Variants in ARHGAP12 observed in about 807,000 individuals in gnomAD.
The protein encoded by ARHGAP12 is Rho GTPase activating protein 12.
A neutral mutation model predicts 108.6 loss-of-function variants in ARHGAP12; 64 were observed. The ratio of observed to expected loss-of-function variants is 0.59; its 90% CI spans 0.48 to 0.73. The LOEUF (loss-of-function observed/expected upper bound fraction) is 0.73, where lower values mean the gene tolerates loss of function less well. Among genes scored for constraint, ARHGAP12 ranks in the 30% least tolerant of loss-of-function variants. The pLI is 0.00. For missense variants in ARHGAP12, 940 were observed against 1,005.9 expected, an observed-to-expected ratio of 0.93 and a Z score of 0.89; for synonymous variants, 312 against 337.2, an observed-to-expected ratio of 0.93 and a Z score of 0.82.
chr10:31,919,171 G>A (rs1029990324), intron 1 of ARHGAP12, among the ~76,000 whole-genome samples: 11 of 152,194 alleles, frequency 7.2e-5, no homozygotes, highest in Admixed American at 7.2e-4. Flanking sequence ...ACCTAGAGTA[G>A]TCAAATTCAT....
intron 3 of ARHGAP12, among the ~76,000 whole-genome samples, chr10:31,884,094 TAA>T (rs59701767): frequency 0.013 from 1,528 of 114,430 alleles, 10 homozygotes; most frequent in African/African-American, 0.036. Flanking sequence ...TGTTTACACC[TAA>T]AAAAAAAAAA....
chr10:31,896,853 T>C (rs932202646), intron 3 of ARHGAP12, among the ~76,000 whole-genome samples: 7 of 152,142 alleles, frequency 4.6e-5, no homozygotes, highest in African/African-American at 1.7e-4. Flanking sequence ...CTAGGACCCA[T>C]TACAGAACCA....
At chr10:31,899,418 T>C (rs1417619049) in intron 3 of ARHGAP12, among the ~76,000 whole-genome samples, 1 of 152,140 alleles carries the variant, frequency 6.6e-6, no homozygotes, top group Non-Finnish European at 1.5e-5. Flanking sequence ...GCAAAAGACT[T>C]AGAACAGCCA....
chr10:31,926,336 GA>G (rs58907991), intron 1 of ARHGAP12, among the ~76,000 whole-genome samples: 63,682 of 135,198 alleles, frequency 0.47, 14,034 homozygotes, highest in Non-Finnish European at 0.54. Flanking sequence ...GCTAACTGAA[GA>G]AAAAAAAAAA....
At chr10:31,881,534 T>C (rs1296993424) in intron 3 of ARHGAP12, among the ~76,000 whole-genome samples, 2 of 152,246 alleles carry the variant, frequency 1.3e-5, no homozygotes, top group Non-Finnish European at 2.9e-5. Context: ...AAATTTCCTT[T>C]AGCAACAACA....
intron 15 of ARHGAP12, among the ~76,000 whole-genome samples, chr10:31,811,665 T>TTTTTATTTTA (rs71515537): frequency 0.5 from 74,838 of 149,946 alleles, 19,890 homozygotes; most frequent in East Asian, 0.82. Flanking sequence ...TTAAATACCT[T>TTTTTATTTTA]TTTTATTTTA....
intron 16 of ARHGAP12, among the ~76,000 whole-genome samples, chr10:31,810,193 GA>G (rs1279904834): frequency 6.6e-6 from 1 of 152,060 alleles, no homozygotes; most frequent in Non-Finnish European, 1.5e-5. Flanking sequence ...CTATTTTACA[GA>G]AAATGACATA....
Position 31,908,592 on chromosome 10 carries a change from T to C in ARHGAP12, c.264A>G (p.Pro88=). 3 of 1,614,230 alleles carry C rather than the reference T, an allele frequency of 1.9e-6. No individual in the cohort carries two copies. Among genetic ancestry groups the C allele is most frequent in the Non-Finnish European group, 2.5e-6 (3 of 1,180,030 alleles). Residue 88 remains proline (P), a synonymous_variant, in exon 3 of 20, where the codon CCA becomes CCG. Coordinates refer to ENST00000344936, the MANE Select transcript of ARHGAP12 (RefSeq NM_018287.7). ...MPPVKQVAGL[P]NNSTKIMQSL... ...TCTGCATTATTTTCGTGGAGTTATT[T>C]GGCAGACCAGCTACCTGCTTAACAG...
chr10:31,885,024 T>A (rs1271497865), intron 3 of ARHGAP12, among the ~76,000 whole-genome samples: 1 of 152,186 alleles, frequency 6.6e-6, no homozygotes, highest in Non-Finnish European at 1.5e-5. Context: ...GATACAGGTG[T>A]ACAATGTAAA....
chr10:31,863,988 T>C (rs1235414827), intron 3 of ARHGAP12, among the ~76,000 whole-genome samples: 1 of 152,148 alleles, frequency 6.6e-6, no homozygotes, highest in Non-Finnish European at 1.5e-5. Context: ...AAGGTTAACA[T>C]AATTTTGAAA....
At chr10:31,892,372 C>T (rs190186800) in intron 3 of ARHGAP12, among the ~76,000 whole-genome samples, 7 of 152,176 alleles carry the variant, frequency 4.6e-5, no homozygotes, top group East Asian at 3.9e-4. Flanking sequence ...ACCCAACTCA[C>T]GTGCAGAGAC....
intron 9 of ARHGAP12, among the ~76,000 whole-genome samples, chr10:31,832,007 C>T (rs879370380): frequency 6.6e-5 from 10 of 152,126 alleles, no homozygotes; most frequent in Admixed American, 2.6e-4. Context: ...TATAATTAAA[C>T]ACTTCTTTTT....
At chr10:31,850,012 C>T (rs1164567856) in intron 6 of ARHGAP12, among the ~76,000 whole-genome samples, 1 of 152,198 alleles carries the variant, frequency 6.6e-6, no homozygotes, top group South Asian at 2.1e-4. Context: ...GATATTAGGC[C>T]GTCCTGGGAC....
intron 3 of ARHGAP12, among the ~76,000 whole-genome samples, chr10:31,883,423 TATTGAAAAC>T (rs1202634420): frequency 1.3e-5 from 2 of 152,228 alleles, no homozygotes; most frequent in African/African-American, 2.4e-5. Flanking sequence ...CATCTTAAAG[TATTGAAAAC>T]AGTTCTCACT....
chr10:31,812,968 G>A, intron 14 of ARHGAP12, 145 bp from the exon 15 acceptor site: 2 of 478,546 alleles, frequency 4.2e-6, no homozygotes, highest in Non-Finnish European at 7.4e-6. Context: ...TGTGGTTTAA[G>A]GACAAGATGT....
At chr10:31,872,343 T>C (rs1837571228) in intron 3 of ARHGAP12, among the ~76,000 whole-genome samples, 1 of 152,128 alleles carries the variant, frequency 6.6e-6, no homozygotes, top group Non-Finnish European at 1.5e-5. Context: ...CTGAAAGACC[T>C]ACCAGCATGG....
intron 4 of ARHGAP12, among the ~76,000 whole-genome samples, chr10:31,859,923 T>C (rs1837053197): frequency 6.6e-6 from 1 of 151,920 alleles, no homozygotes; most frequent in African/African-American, 2.4e-5. Context: ...GCCTTCCAAG[T>C]AGCTGGGATT....
intron 15 of ARHGAP12, among the ~76,000 whole-genome samples, chr10:31,811,197 G>A (rs1426137648): frequency 6.6e-6 from 1 of 152,132 alleles, no homozygotes; most frequent in Non-Finnish European, 1.5e-5. Context: ...AGTTTCATGA[G>A]GGAGAGGACC....
intron 4 of ARHGAP12, among the ~76,000 whole-genome samples, chr10:31,859,574 T>G (rs1837033025): frequency 6.6e-6 from 1 of 150,882 alleles, no homozygotes; most frequent in Admixed American, 6.7e-5. Flanking sequence ...TCATATAATT[T>G]GTATAGAGAC....
Sources: gnomAD v4.1 joint callset for allele counts (sites outside exome capture counted in the v4.1 genomes callset) on GRCh38, gnomAD v4.1.1 for gene constraint, MANE v1.5 for transcripts, NCBI Gene and HGNC (gene_info 2026-07-23, HGNC 2026-07-21) for gene names.